CENPC: variants seen among roughly 807,000 people sequenced by gnomAD.
CENPC encodes the protein centromere protein C, also known as CENP-C 1.
Under a neutral mutation model 112.1 loss-of-function variants are expected in CENPC, and 63 were observed. The observed-to-expected ratio is 0.56, with a 90% CI of 0.46 to 0.69. CENPC has a LOEUF of 0.69. Ranked by LOEUF, CENPC falls within the 30% of genes least tolerant of loss-of-function variation. The pLI is 0.00. For missense variants in CENPC, 1,000 were observed against 1,103.8 expected (o/e 0.91, Z 1.33); for synonymous variants, 333 against 367.6 (o/e 0.91, Z 1.08).
chr4:67,514,060 A>C lies in CENPC; in HGVS notation c.1444+14T>G, dbSNP rs1211984771. 1.1e-5 allele frequency: 17 copies of C among 1,560,602 alleles called. No individual in the cohort carries two copies. The highest frequency in any genetic ancestry group is 1.4e-5 in the Non-Finnish European group (16 of 1,161,114). On this transcript the variant is annotated intron_variant, in intron 8 of 18. Transcript: ENST00000273853. ...AGAATAATGCTCATGGTTATATTTA[A>C]TATAAACACTTACCCACAGGTGGCA...
At chr4:67,509,534 A>G (rs916628631) in intron 9 of CENPC, among the ~76,000 whole-genome samples, 1 of 151,988 alleles carries the variant, frequency 6.6e-6, no homozygotes, top group Non-Finnish European at 1.5e-5. Context: ...GCTCTCCCCT[A>G]TATCTGCCTC....
At chr4:67,523,108 T>TGGCCAGC (rs1402983656) in intron 5 of CENPC, among the ~76,000 whole-genome samples, 10 of 152,062 alleles carry the variant, frequency 6.6e-5, no homozygotes, top group Non-Finnish European at 1.3e-4. Context: ...GGTCAGGACT[T>TGGCCAGC]TAAGACTGGC....
Position 67,518,274 on chromosome 4 carries a change from T to C in CENPC, c.712A>G (p.Lys238Glu). The change falls in exon 7 of 19, where the codon AAA becomes GAA. Residue 238 changes from lysine to glutamate, a missense_variant. Transcript: ENST00000273853. ...EDKTSEGQER[K>E]PSGSSQNRIR... ...CTATTCTGAGATGATCCTGATGGTT[T>C]TCTTTCTTGTCCTTCCGATGTTTTA... 6.4e-7 allele frequency: 1 copy of C among 1,560,152 alleles called. No individual in the cohort carries two copies. Among genetic ancestry groups the C allele is most frequent in the Non-Finnish European group, 8.7e-7 (1 of 1,152,506 alleles).
chr4:67,508,995 T>C lies in CENPC; in HGVS notation c.1723A>G (p.Thr575Ala), dbSNP rs1438382256. ...GTCTTCTGCCTTTTAAGTGGAATAGTTTTTTTCCTAATATTCTTAGATGAC... is the reference window on the plus strand; with the variant it reads ...GTCTTCTGCCTTTTAAGTGGAATAGCTTTTTTCCTAATATTCTTAGATGAC... ...NQSSKNIRKKTIPLKRQKTAT... is the reference protein window; with the variant it reads ...NQSSKNIRKKAIPLKRQKTAT... The change falls in exon 10 of 19, where the codon ACT (threonine) becomes GCT (alanine). Residue 575 changes from threonine (T) to alanine (A), a missense_variant. Physicochemically the swap from Thr to Ala is moderately conservative, Grantham distance 58 (BLOSUM62 0). Transcript: ENST00000273853. 2.5e-6 allele frequency: 4 copies of C among 1,613,196 alleles called. No homozygotes were observed. The African/African-American group carries it at 4.0e-5, about 16-fold the overall frequency.
Position 67,542,854 on chromosome 4 carries a change from C to G in CENPC, c.65+1295G>C, listed in dbSNP as rs183473241. 9.9e-5 allele frequency among the ~76,000 whole-genome samples: 15 copies of G among 152,274 alleles called. No homozygotes were observed. In the East Asian group the frequency reaches 2.9e-3, roughly 29 times the overall value. On this transcript the variant is annotated intron_variant, in intron 2 of 18. Coordinates refer to ENST00000273853, the MANE Select transcript of CENPC (RefSeq NM_001812.4). ...AGCTATAAATACACTCCTGCTATTA[C>G]CTGTTTCAAGGATGAGATCCAAAAA...
intron 17 of CENPC, among the ~76,000 whole-genome samples, chr4:67,478,744 G>T (rs1724875771): frequency 6.6e-6 from 1 of 151,582 alleles, no homozygotes; most frequent in South Asian, 2.1e-4. Flanking sequence ...GAATATAAAT[G>T]ACTTCAATGC....
At chr4:67,511,439 G>C (rs961621034) in intron 9 of CENPC, among the ~76,000 whole-genome samples, 2 of 151,962 alleles carry the variant, frequency 1.3e-5, no homozygotes, top group Admixed American at 1.3e-4. Context: ...CTTTAAAAAG[G>C]GACAATTCTC....
intron 6 of CENPC, 86 bp from the exon 7 acceptor site, chr4:67,518,454 T>G (rs1726124135): frequency 1.5e-6 from 2 of 1,303,760 alleles, no homozygotes; most frequent in South Asian, 2.4e-5. Context: ...ACAGAGACAA[T>G]ACAGACCAAT....
chr4:67,537,275 T>A (rs1726751137), intron 4 of CENPC, among the ~76,000 whole-genome samples: 1 of 152,304 alleles, frequency 6.6e-6, no homozygotes, highest in South Asian at 2.1e-4. Context: ...ATCTTTAATG[T>A]TCTATATCAT....
In CENPC at chr4:67,492,191, A is replaced by G. The variant is rs758392033; in HGVS notation, c.2504T>C (p.Ile835Thr). 1.3e-6 allele frequency: 2 copies of G among 1,557,480 alleles called. No homozygotes were observed. Among genetic ancestry groups the G allele is most frequent in the Non-Finnish European group, 1.7e-6 (2 of 1,147,252 alleles). The change falls in exon 16 of 19, where the codon ATT becomes ACT. Residue 835 changes from isoleucine (I) to threonine (T), a missense_variant. Transcript: ENST00000273853. Reference sequence around the variant, plus strand: ...ATGCCTGATCTTACCCATGAGAATAATCTCTCTTGTTTCTGGGTCCTTTAC... The same window carrying G: ...ATGCCTGATCTTACCCATGAGAATAGTCTCTCTTGTTTCTGGGTCCTTTAC... ...TRVKDPETRE[I>T]ILMDLVRPQD...
chr4:67,512,858 C>T (rs1300032130), intron 8 of CENPC, among the ~76,000 whole-genome samples: 1 of 152,086 alleles, frequency 6.6e-6, no homozygotes, highest in Non-Finnish European at 1.5e-5. Flanking sequence ...AATACAGTTC[C>T]TTCCTATAAC....
Position 67,482,880 on chromosome 4 carries a change from T to G in CENPC, c.2670+7087A>C, listed in dbSNP as rs186436331. Among the ~76,000 whole-genome samples the G allele has an allele frequency of 7.9e-5, 12 of 152,190 alleles. No individual in the cohort carries two copies. In the East Asian group the frequency reaches 2.3e-3, roughly 29 times the overall value. ...TCTTGTAATATGGTTTGGCTTTGTC[T>G]CCCCACCCAAATGTCACCTTGAATT... is the stretch of plus-strand genomic sequence containing the variant. On this transcript the variant is annotated intron_variant, in intron 17 of 18. Transcript: ENST00000273853.
chr4:67,508,588 C>T (rs563231299), intron 10 of CENPC, among the ~76,000 whole-genome samples: 1 of 148,332 alleles, frequency 6.7e-6, no homozygotes, highest in Admixed American at 6.8e-5. Context: ...AGTCATAATT[C>T]CAGGTGCTAT....
Position 67,469,186 on chromosome 4 carries a change from C to A in CENPC, c.*3419G>T, listed in dbSNP as rs1724586580. On this transcript the variant is annotated 3_prime_UTR_variant, in exon 19 of 19. Transcript: ENST00000273853. ...TGGACAACAAACTGTGGAATCCTATCCAACAATAAAAATTAGAAAAATCAT... is the reference window on the plus strand; with the variant it reads ...TGGACAACAAACTGTGGAATCCTATACAACAATAAAAATTAGAAAAATCAT... The A allele has an allele frequency of 6.6e-6, 1 of 152,144 alleles. No individual in the cohort carries two copies. Among genetic ancestry groups the A allele is most frequent in the South Asian group, 2.1e-4 (1 of 4,820 alleles). The allele number at this position is 152,144 out of a possible 1,614,324, so 9.4% of individuals were successfully genotyped here.
At chr4:67,507,643 T>C (rs1725773950) in intron 10 of CENPC, among the ~76,000 whole-genome samples, 1 of 152,108 alleles carries the variant, frequency 6.6e-6, no homozygotes, top group South Asian at 2.1e-4. Flanking sequence ...CAGGCACAGG[T>C]GGCTTCACTG....
At chr4:67,519,111 T>A in intron 6 of CENPC, 106 bp downstream of exon 6, 1 of 782,474 alleles carries the variant, frequency 1.3e-6, no homozygotes, top group Non-Finnish European at 2.0e-6. Flanking sequence ...ATGTTAATAT[T>A]CCTCCTTCCT....
At chr4:67,504,360 G>C (rs1372203135) in intron 12 of CENPC, among the ~76,000 whole-genome samples, 1 of 151,694 alleles carries the variant, frequency 6.6e-6, no homozygotes, top group African/African-American at 2.4e-5. Flanking sequence ...AGTTAAAAGA[G>C]AAAATACAAT....
At position 67,506,145 on chromosome 4, in the gene CENPC, A is replaced by C. The variant is rs1725725779; in HGVS notation, c.2051+643T>G. Among the ~76,000 whole-genome samples the C allele has an allele frequency of 4.6e-5, 7 of 152,272 alleles. No homozygotes were observed. The South Asian group carries it at 1.5e-3, about 32-fold the overall frequency. ...AAATTTACCCTTTATTCATTTTTTA[A>C]AAGGTTATATGACATCAGATATAAT... On this transcript the variant is annotated intron_variant, in intron 11 of 18. Coordinates refer to ENST00000273853, the MANE Select transcript of CENPC (RefSeq NM_001812.4).
At chr4:67,523,597 T>C (rs1198938545) in intron 5 of CENPC, among the ~76,000 whole-genome samples, 1 of 152,184 alleles carries the variant, frequency 6.6e-6, no homozygotes, top group Non-Finnish European at 1.5e-5. Context: ...AACTTATGAT[T>C]ACTTCAACAT....
Sources: gnomAD v4.1 joint callset for allele counts (sites outside exome capture counted in the v4.1 genomes callset) on GRCh38, gnomAD v4.1.1 for gene constraint, MANE v1.5 for transcripts, NCBI Gene and HGNC (gene_info 2026-07-23, HGNC 2026-07-21) for gene names.